The following COL22A1 variants were observed in gnomAD, a reference collection of about 807,000 sequenced individuals.
The protein encoded by COL22A1 is collagen alpha-1(XXII) chain.
Under a neutral mutation model 248.9 loss-of-function variants are expected in COL22A1, and 221 were observed. That is an observed-to-expected ratio of 0.89 (90% CI 0.80 to 0.99). The LOEUF is 0.99. Among genes scored for constraint, COL22A1 ranks in the 50% least tolerant of loss-of-function variants. The probability of loss-of-function intolerance (pLI) is 0.00; values close to 1 mark genes in which losing one functional copy is unlikely to be tolerated. For synonymous variants in COL22A1, 891 were observed against 793.4 expected (o/e 1.12, Z -2.07); for missense variants, 2,240 against 2,179.0 (o/e 1.03, Z -0.56).
At chr8:138,845,508 C>A (rs1227676527) in intron 3 of COL22A1, among the ~76,000 whole-genome samples, 1 of 135,150 alleles carries the variant, frequency 7.4e-6, no homozygotes, top group Admixed American at 8.2e-5. Flanking sequence ...GAATGAGACT[C>A]CACCTCAAAA....
At chr8:138,848,228 CT>C (rs1821385228) in intron 3 of COL22A1, among the ~76,000 whole-genome samples, 1 of 152,198 alleles carries the variant, frequency 6.6e-6, no homozygotes, top group South Asian at 2.1e-4. Flanking sequence ...GACAAAGACA[CT>C]GCTTCCTTAA....
chr8:138,599,592 G>A (rs1422131347), intron 60 of COL22A1, among the ~76,000 whole-genome samples: 1 of 152,158 alleles, frequency 6.6e-6, no homozygotes, highest in Non-Finnish European at 1.5e-5. Context: ...AGGTACAGTG[G>A]CAATTGCCTA....
intron 3 of COL22A1, among the ~76,000 whole-genome samples, chr8:138,871,737 G>C (rs112802999): frequency 6.6e-6 from 1 of 152,158 alleles, no homozygotes; most frequent in African/African-American, 2.4e-5. Context: ...AAAAGCATCC[G>C]CTGTTGTGAG....
At chr8:138,717,573 C>T (rs147857371) in intron 27 of COL22A1, among the ~76,000 whole-genome samples, 335 of 152,214 alleles carry the variant, frequency 2.2e-3, no homozygotes, top group African/African-American at 7.2e-3. Context: ...AAAAAATTAT[C>T]CCACCTCAAC....
intron 31 of COL22A1, among the ~76,000 whole-genome samples, chr8:138,701,427 A>C (rs948177925): frequency 2.5e-4 from 38 of 152,338 alleles, no homozygotes; most frequent in African/African-American, 8.4e-4. Context: ...TACATTAAAA[A>C]AAGATGGAAA....
At chr8:138,633,550 C>T (rs753680602) in intron 49 of COL22A1, among the ~76,000 whole-genome samples, 1 of 152,218 alleles carries the variant, frequency 6.6e-6, no homozygotes, top group Non-Finnish European at 1.5e-5. Flanking sequence ...AGATCCTCAG[C>T]TGTTAAGGAG....
chr8:138,600,878 T>G (rs1308999637), intron 60 of COL22A1, among the ~76,000 whole-genome samples: 1 of 152,210 alleles, frequency 6.6e-6, no homozygotes, highest in Non-Finnish European at 1.5e-5. Context: ...GCTAAGGCCC[T>G]ATCTCATGCA....
chr8:138,804,779 TGAG>T (rs1817327055), intron 10 of COL22A1, among the ~76,000 whole-genome samples: 1 of 130,746 alleles, frequency 7.6e-6, no homozygotes, highest in Non-Finnish European at 1.6e-5. Context: ...GTGTGTGTGA[TGAG>T]GTGCGTGTGG....
chr8:138,699,745 G>A (rs1827801064), intron 32 of COL22A1, among the ~76,000 whole-genome samples: 2 of 152,188 alleles, frequency 1.3e-5, no homozygotes, highest in South Asian at 4.1e-4. Flanking sequence ...CATCCATGGG[G>A]AACATCTTTG....
intron 21 of COL22A1, 102 bp downstream of exon 21, chr8:138,755,055 G>T (rs1454230583): frequency 8.3e-7 from 1 of 1,199,628 alleles, no homozygotes; most frequent in Non-Finnish European, 1.2e-6. Flanking sequence ...GAAGGCGCTT[G>T]AGATAATGCC....
At chr8:138,705,049 A>G (rs1828303642) in intron 30 of COL22A1, among the ~76,000 whole-genome samples, 1 of 152,192 alleles carries the variant, frequency 6.6e-6, no homozygotes, top group South Asian at 2.1e-4. Context: ...AGATCAAATG[A>G]ATGAAATGAA....
intron 22 of COL22A1, among the ~76,000 whole-genome samples, chr8:138,749,604 G>A (rs10505705): frequency 0.11 from 16,209 of 152,238 alleles, 1,875 homozygotes; most frequent in African/African-American, 0.29. Flanking sequence ...CAAGTCCCTT[G>A]CTGAGCACTT....
intron 11 of COL22A1, among the ~76,000 whole-genome samples, chr8:138,797,587 G>A (rs1271927152): frequency 6.6e-6 from 1 of 152,094 alleles, no homozygotes; most frequent in Non-Finnish European, 1.5e-5. Flanking sequence ...TTGCATTTTT[G>A]AGGGGTATAT....
intron 27 of COL22A1, among the ~76,000 whole-genome samples, chr8:138,719,609 A>G (rs1829713946): frequency 6.6e-6 from 1 of 152,188 alleles, no homozygotes; most frequent in South Asian, 2.1e-4. Flanking sequence ...AAAGAGTGAA[A>G]CAATAGGGAA....
intron 5 of COL22A1, among the ~76,000 whole-genome samples, chr8:138,831,961 G>A (rs1277402012): frequency 1.3e-5 from 2 of 152,150 alleles, no homozygotes; most frequent in Non-Finnish European, 2.9e-5. Flanking sequence ...AGATGAGGTA[G>A]GAGGTCAGCA....
At chr8:138,683,593 T>G (rs1826117681) in intron 39 of COL22A1, among the ~76,000 whole-genome samples, 1 of 152,158 alleles carries the variant, frequency 6.6e-6, no homozygotes, top group African/African-American at 2.4e-5. Flanking sequence ...CATAAAATCC[T>G]CCCACAGGGT....
chr8:138,826,907 C>A, intron 5 of COL22A1, 126 bp from the exon 6 acceptor site: 1 of 1,199,902 alleles, frequency 8.3e-7, no homozygotes, highest in Middle Eastern at 2.7e-4. Context: ...TTCCACCATC[C>A]ACCTTCTTGG....
intron 3 of COL22A1, among the ~76,000 whole-genome samples, chr8:138,863,841 T>C (rs11166851): frequency 0.84 from 128,581 of 152,186 alleles, 54,509 homozygotes; most frequent in East Asian, 0.98. Context: ...AATGTGTCTA[T>C]GCAGGAGATT....
intron 46 of COL22A1, 105 bp downstream of exon 46, chr8:138,649,560 C>T (rs375354929): frequency 4.6e-6 from 7 of 1,520,812 alleles, no homozygotes; most frequent in Non-Finnish European, 4.4e-6. Flanking sequence ...ATCTTGAACC[C>T]CTCAAACCCT....
Sources: allele counts gnomAD v4.1 joint callset (sites outside exome capture counted in the v4.1 genomes callset), GRCh38; gene constraint gnomAD v4.1.1; transcripts MANE v1.5; gene names NCBI Gene and HGNC (gene_info 2026-07-23, HGNC 2026-07-21).